The following ZZZ3 variants were observed in gnomAD, a reference collection of about 807,000 sequenced individuals.
ZZZ3 encodes ZZ-type zinc finger-containing protein 3.
In ZZZ3, 22 loss-of-function variants were observed where a neutral mutation model predicts 95.2. The observed-to-expected ratio is 0.23, with a 90% CI of 0.17 to 0.33. ZZZ3 has a LOEUF of 0.33. ZZZ3 is among the 10% of genes least tolerant of loss of function. ZZZ3 has a pLI of 1.00. For missense variants in ZZZ3, 885 were observed against 1,066.5 expected, an observed-to-expected ratio of 0.83 and a Z score of 2.37; for synonymous variants, 335 against 358.9, an observed-to-expected ratio of 0.93 and a Z score of 0.75.
In ZZZ3 at chr1:77,571,614, T is replaced by C. The variant is rs898195532; in HGVS notation, c.2332-3148A>G. ...AATGCAGCCTTAAAAAGGAAAGAAA[T>C]TGTGATACATGCTACAAAATGGATG... On this transcript the variant is annotated intron_variant, in intron 12 of 14. Transcript: ENST00000370801. Among the ~76,000 whole-genome samples the C allele has an allele frequency of 6.6e-5, 10 of 152,240 alleles. No homozygotes were observed. In the South Asian group the frequency reaches 1.0e-3, roughly 16 times the overall value.
At chr1:77,652,770 T>C (rs1669926120) in intron 1 of ZZZ3, among the ~76,000 whole-genome samples, 1 of 152,222 alleles carries the variant, frequency 6.6e-6, no homozygotes, top group Middle Eastern at 3.4e-3. Flanking sequence ...ACTTAAGCCA[T>C]AAAAAACAGT....
intron 5 of ZZZ3, among the ~76,000 whole-genome samples, chr1:77,592,936 G>A (rs1663860136): frequency 6.6e-6 from 1 of 152,168 alleles, no homozygotes. Context: ...AGATCCACAA[G>A]AAGATGGAAA....
At chr1:77,678,724 C>T (rs923854399) in intron 1 of ZZZ3, among the ~76,000 whole-genome samples, 1 of 152,186 alleles carries the variant, frequency 6.6e-6, no homozygotes, top group Non-Finnish European at 1.5e-5. Context: ...ATGGCCAACA[C>T]TGAAGATTTT....
intron 11 of ZZZ3, 103 bp downstream of exon 11, chr1:77,578,671 T>G: frequency 3.0e-6 from 2 of 657,798 alleles, no homozygotes; most frequent in Non-Finnish European, 4.5e-6. Flanking sequence ...TGAACAGAAG[T>G]TTTAAAATAC....
At chr1:77,647,560 C>T (rs1324083723) in intron 1 of ZZZ3, among the ~76,000 whole-genome samples, 1 of 151,608 alleles carries the variant, frequency 6.6e-6, no homozygotes, top group East Asian at 1.9e-4. Flanking sequence ...ATATAAATTA[C>T]CATGAGTGCA....
intron 1 of ZZZ3, among the ~76,000 whole-genome samples, chr1:77,663,932 T>C (rs1036053940): frequency 1.3e-5 from 2 of 152,036 alleles, no homozygotes; most frequent in African/African-American, 4.8e-5. Flanking sequence ...GCATTTTTAG[T>C]AGAGACGGGG....
chr1:77,624,073 C>T (rs186654310), intron 5 of ZZZ3, among the ~76,000 whole-genome samples: 5 of 152,274 alleles, frequency 3.3e-5, no homozygotes, highest in African/African-American at 1.2e-4. Flanking sequence ...ATTCCTAAGC[C>T]TACTTGTGAA....
intron 1 of ZZZ3, among the ~76,000 whole-genome samples, chr1:77,669,701 A>G (rs1235404083): frequency 2.0e-5 from 3 of 151,884 alleles, no homozygotes; most frequent in Non-Finnish European, 2.9e-5. Context: ...CAGGCGATGC[A>G]CCCACTTCAG....
intron 11 of ZZZ3, among the ~76,000 whole-genome samples, chr1:77,576,862 T>G (rs745882741): frequency 6.6e-6 from 1 of 152,216 alleles, no homozygotes; most frequent in Admixed American, 6.5e-5. Flanking sequence ...GGGCCACATG[T>G]GGTACGTGGG....
At chr1:77,647,022 G>A (rs1482999538) in intron 1 of ZZZ3, among the ~76,000 whole-genome samples, 8 of 152,190 alleles carry the variant, frequency 5.3e-5, no homozygotes, top group African/African-American at 1.9e-4. Flanking sequence ...AACAGGGAAA[G>A]ACATCCATAG....
intron 5 of ZZZ3, among the ~76,000 whole-genome samples, chr1:77,628,540 A>G (rs1667519103): frequency 6.6e-6 from 1 of 152,206 alleles, no homozygotes; most frequent in African/African-American, 2.4e-5. Flanking sequence ...TGCCTAATTT[A>G]CTATAAATCA....
intron 5 of ZZZ3, among the ~76,000 whole-genome samples, chr1:77,624,864 T>A (rs1291931057): frequency 6.6e-6 from 1 of 152,104 alleles, no homozygotes; most frequent in East Asian, 1.9e-4. Flanking sequence ...GACCTTAACC[T>A]GTGGGGTCTG....
intron 1 of ZZZ3, among the ~76,000 whole-genome samples, chr1:77,659,669 AAGAG>A (rs1309807245): frequency 6.6e-6 from 1 of 150,588 alleles, no homozygotes; most frequent in African/African-American, 2.4e-5. Flanking sequence ...CTGGGTGACA[AAGAG>A]AGACTCCATC....
At position 77,648,765 on chromosome 1, in the gene ZZZ3, A is replaced by G. The variant is rs532589446; in HGVS notation, c.-402-7110T>C. On this transcript the variant is annotated intron_variant, in intron 1 of 14. Transcript: ENST00000370801. ...GAAGTCCCCAAAAGACTGAAAGAGA[A>G]GCAGAAAAAATACTGTAAGAAATGA... 2.0e-5 allele frequency among the ~76,000 whole-genome samples: 3 copies of G among 152,342 alleles called. No homozygotes were observed. In the Middle Eastern group the frequency reaches 0.01, roughly 518 times the overall value.
At chr1:77,673,232 A>C (rs1242941616) in intron 1 of ZZZ3, among the ~76,000 whole-genome samples, 1 of 152,222 alleles carries the variant, frequency 6.6e-6, no homozygotes, top group African/African-American at 2.4e-5. Context: ...TAAATCTTTC[A>C]CTATGACTTT....
At chr1:77,674,109 T>C (rs1242654865) in intron 1 of ZZZ3, among the ~76,000 whole-genome samples, 1 of 150,428 alleles carries the variant, frequency 6.6e-6, no homozygotes, top group Non-Finnish European at 1.5e-5. Flanking sequence ...ACAAAAAAGG[T>C]CATTAAAACA....
At chr1:77,602,135 T>C (rs1005608159) in intron 5 of ZZZ3, among the ~76,000 whole-genome samples, 2 of 152,142 alleles carry the variant, frequency 1.3e-5, no homozygotes, top group Admixed American at 1.3e-4. Context: ...TTTAGAGTTG[T>C]AGCAATATGC....
At chr1:77,597,000 C>T (rs1226730745) in intron 5 of ZZZ3, among the ~76,000 whole-genome samples, 1 of 152,018 alleles carries the variant, frequency 6.6e-6, no homozygotes, top group East Asian at 1.9e-4. Flanking sequence ...ACATTTGGCA[C>T]CCAAATTTTG....
chr1:77,656,449 G>T (rs1214428548), intron 1 of ZZZ3, among the ~76,000 whole-genome samples: 1 of 152,048 alleles, frequency 6.6e-6, no homozygotes, highest in Non-Finnish European at 1.5e-5. Context: ...CAATCAAAAA[G>T]ACTAGGAAAA....
Sources: gnomAD v4.1 joint callset for allele counts (sites outside exome capture counted in the v4.1 genomes callset) on GRCh38, gnomAD v4.1.1 for gene constraint, MANE v1.5 for transcripts, NCBI Gene and HGNC (gene_info 2026-07-23, HGNC 2026-07-21) for gene names.